Variants in SEMA5A observed in about 807,000 individuals in gnomAD.
SEMA5A encodes semaphorin 5A.
Under a neutral mutation model 135.5 loss-of-function variants are expected in SEMA5A, and 55 were observed. The observed-to-expected ratio is 0.41, with a 90% CI of 0.33 to 0.51. SEMA5A has a LOEUF of 0.51. Ranked by LOEUF, SEMA5A falls within the 20% of genes least tolerant of loss-of-function variation. The pLI is 0.37. For synonymous variants in SEMA5A, 580 were observed against 546.5 expected, an observed-to-expected ratio of 1.06 and a Z score of -0.85; for missense variants, 1,290 against 1,419.9, an observed-to-expected ratio of 0.91 and a Z score of 1.47.
intron 4 of SEMA5A, among the ~76,000 whole-genome samples, chr5:9,335,828 A>C (rs1270704453): frequency 6.6e-6 from 1 of 152,198 alleles, no homozygotes; most frequent in Non-Finnish European, 1.5e-5. Flanking sequence ...CTGGAAATAA[A>C]TGTGTTGAAT....
chr5:9,331,098 A>G (rs562887706), intron 4 of SEMA5A, among the ~76,000 whole-genome samples: 1 of 152,314 alleles, frequency 6.6e-6, no homozygotes, highest in African/African-American at 2.4e-5. Flanking sequence ...ACTCTTTGGA[A>G]AAGACGAATA....
At chr5:9,235,210 G>T (rs1420960997) in intron 6 of SEMA5A, among the ~76,000 whole-genome samples, 2 of 152,192 alleles carry the variant, frequency 1.3e-5, no homozygotes, top group African/African-American at 4.8e-5. Context: ...TAAAGGGGAA[G>T]GGAGTTAACT....
chr5:9,132,752 G>T (rs1034445200), intron 13 of SEMA5A, among the ~76,000 whole-genome samples: 15 of 152,194 alleles, frequency 9.9e-5, no homozygotes, highest in African/African-American at 3.1e-4. Flanking sequence ...GTCTGAGGTT[G>T]ACTCACCATC....
intron 5 of SEMA5A, among the ~76,000 whole-genome samples, chr5:9,272,047 C>G (rs1374163713): frequency 1.3e-5 from 2 of 152,052 alleles, no homozygotes; most frequent in Non-Finnish European, 2.9e-5. Context: ...GGGCTGAAGC[C>G]TGGGAGCCAA....
intron 11 of SEMA5A, among the ~76,000 whole-genome samples, chr5:9,168,446 G>A (rs1743732526): frequency 1.3e-5 from 2 of 152,182 alleles, no homozygotes; most frequent in Non-Finnish European, 2.9e-5. Flanking sequence ...TTAACTGCCA[G>A]GAGCCCTTAT....
At chr5:9,513,961 T>C (rs563136630) in intron 1 of SEMA5A, among the ~76,000 whole-genome samples, 1 of 152,270 alleles carries the variant, frequency 6.6e-6, no homozygotes, top group Non-Finnish European at 1.5e-5. Flanking sequence ...TTTATTCTCT[T>C]GCATTTCTGG....
chr5:9,171,845 G>A (rs1426662203), intron 11 of SEMA5A, among the ~76,000 whole-genome samples: 1 of 152,140 alleles, frequency 6.6e-6, no homozygotes, highest in East Asian at 1.9e-4. Context: ...GGGACGAGAG[G>A]GAGCGGGCAC....
At chr5:9,110,030 C>T (rs1740155533) in intron 15 of SEMA5A, among the ~76,000 whole-genome samples, 1 of 151,998 alleles carries the variant, frequency 6.6e-6, no homozygotes. Context: ...CAAGGCCAAG[C>T]TGAGGGGTGC....
chr5:9,065,602 T>G (rs1737422899), intron 17 of SEMA5A, among the ~76,000 whole-genome samples: 1 of 152,248 alleles, frequency 6.6e-6, no homozygotes, highest in Non-Finnish European at 1.5e-5. Context: ...ATCACTGTTC[T>G]CATCAAACTG....
intron 1 of SEMA5A, among the ~76,000 whole-genome samples, chr5:9,449,135 C>T (rs1291724692): frequency 6.6e-6 from 1 of 152,048 alleles, no homozygotes; most frequent in Non-Finnish European, 1.5e-5. Context: ...CACTGCAGTA[C>T]TACTCACAAT....
intron 14 of SEMA5A, among the ~76,000 whole-genome samples, chr5:9,121,924 T>C (rs1255018921): frequency 6.6e-6 from 1 of 151,630 alleles, no homozygotes; most frequent in Non-Finnish European, 1.5e-5. Flanking sequence ...TCCCAGAGAC[T>C]TTTTTTTTCA....
intron 11 of SEMA5A, among the ~76,000 whole-genome samples, chr5:9,154,921 A>G (rs1742869124): frequency 6.6e-6 from 1 of 152,156 alleles, no homozygotes; most frequent in Non-Finnish European, 1.5e-5. Flanking sequence ...GCTCTCATGT[A>G]GCAAGGGATG....
At chr5:9,162,550 ATGTGTGTGTGTG>A (rs201253805) in intron 11 of SEMA5A, among the ~76,000 whole-genome samples, 9 of 51,664 alleles carry the variant, frequency 1.7e-4, no homozygotes, top group Non-Finnish European at 4.1e-4. Flanking sequence ...GTGTGTATAT[ATGTGTGTGTGTG>A]TGTATATATA....
chr5:9,291,979 C>G (rs748056138), intron 5 of SEMA5A, among the ~76,000 whole-genome samples: 6 of 152,090 alleles, frequency 3.9e-5, no homozygotes, highest in Non-Finnish European at 8.8e-5. Context: ...ATACAGGAAG[C>G]CCCATTCCCC....
chr5:9,137,397 T>C (rs1350937928), intron 12 of SEMA5A, among the ~76,000 whole-genome samples: 3 of 152,208 alleles, frequency 2.0e-5, no homozygotes, highest in African/African-American at 7.2e-5. Context: ...AAAGAGTTCA[T>C]ACACTACATG....
At chr5:9,535,534 G>A (rs1021066919) in intron 1 of SEMA5A, among the ~76,000 whole-genome samples, 4 of 151,442 alleles carry the variant, frequency 2.6e-5, no homozygotes, top group African/African-American at 9.8e-5. Context: ...GGTGAAGAAA[G>A]CTTTAGAAAA....
chr5:9,132,130 G>T (rs1015061804), intron 13 of SEMA5A, among the ~76,000 whole-genome samples: 5 of 152,054 alleles, frequency 3.3e-5, no homozygotes, highest in African/African-American at 1.2e-4. Context: ...GTAAACTATT[G>T]CCCTGTCATC....
At chr5:9,304,177 CTT>C (rs1477493799) in intron 5 of SEMA5A, among the ~76,000 whole-genome samples, 1 of 151,990 alleles carries the variant, frequency 6.6e-6, no homozygotes, top group Non-Finnish European at 1.5e-5. Flanking sequence ...ACCTATTTAT[CTT>C]TGTTGTCTAT....
chr5:9,242,595 TA>T (rs1357905101), intron 5 of SEMA5A, among the ~76,000 whole-genome samples: 1 of 152,048 alleles, frequency 6.6e-6, no homozygotes, highest in African/African-American at 2.4e-5. Context: ...AATGATACAC[TA>T]GACTTTGAGG....
Sources: gnomAD v4.1 joint callset for allele counts (sites outside exome capture counted in the v4.1 genomes callset) on GRCh38, gnomAD v4.1.1 for gene constraint, MANE v1.5 for transcripts, NCBI Gene and HGNC (gene_info 2026-07-23, HGNC 2026-07-21) for gene names.